PPARGC1A: variants seen among roughly 807,000 people sequenced by gnomAD.
PPARGC1A encodes PPARG coactivator 1 alpha, also known as peroxisome proliferator-activated receptor gamma coactivator 1-alpha.
In PPARGC1A, 25 loss-of-function variants were observed where a neutral mutation model predicts 88.7. That is an observed-to-expected ratio of 0.28 (90% confidence interval 0.21 to 0.39). The LOEUF (loss-of-function observed/expected upper bound fraction) is 0.39, where lower values mean the gene tolerates loss of function less well. Ranked by LOEUF, PPARGC1A falls within the 10% of genes least tolerant of loss-of-function variation. PPARGC1A has a pLI of 1.00. For missense variants in PPARGC1A, 880 were observed against 968.7 expected, an observed-to-expected ratio of 0.91 and a Z score of 1.22; for synonymous variants, 363 against 355.6, an observed-to-expected ratio of 1.02 and a Z score of -0.24.
At chr4:24,170,981 C>T in the PPARGC1A span, among the ~76,000 whole-genome samples, 4 of 152,296 alleles carry the variant, frequency 2.6e-5, no homozygotes, top group East Asian at 5.8e-4. Flanking sequence ...CATGCTCCTG[C>T]CTCAGGGCCT....
chr4:23,925,003 T>G, the PPARGC1A span, among the ~76,000 whole-genome samples: 2 of 152,234 alleles, frequency 1.3e-5, no homozygotes, highest in African/African-American at 2.4e-5. Flanking sequence ...TGAACTACTG[T>G]AACAATTAAA....
intron 1 of PPARGC1A, among the ~76,000 whole-genome samples, chr4:23,897,277 A>G (rs1031405428): frequency 2.6e-5 from 4 of 152,182 alleles, no homozygotes; most frequent in Non-Finnish European, 5.9e-5. Context: ...GCCTTATGAG[A>G]TTTAAGGTGA....
chr4:24,383,303 C>G, the PPARGC1A span, among the ~76,000 whole-genome samples: 5 of 152,108 alleles, frequency 3.3e-5, no homozygotes, highest in Non-Finnish European at 7.4e-5. Context: ...TTCCGGAAAC[C>G]AAAATGCCTC....
At chr4:24,332,999 C>T in the PPARGC1A span, among the ~76,000 whole-genome samples, 1 of 152,026 alleles carries the variant, frequency 6.6e-6, no homozygotes, top group Admixed American at 6.6e-5. Flanking sequence ...CCCAGCACTT[C>T]GGGAGGCCAA....
At chr4:24,451,790 A>T in the PPARGC1A span, among the ~76,000 whole-genome samples, 1 of 152,054 alleles carries the variant, frequency 6.6e-6, no homozygotes, top group African/African-American at 2.4e-5. Context: ...GTTGGCCAGG[A>T]TGATCTCGAT....
At chr4:24,049,322 A>G in the PPARGC1A span, among the ~76,000 whole-genome samples, 24 of 141,984 alleles carry the variant, frequency 1.7e-4, no homozygotes, top group African/African-American at 2.9e-4. Context: ...ATATATATAT[A>G]TGTGTGTGTG....
chr4:24,186,891 C>T, the PPARGC1A span, among the ~76,000 whole-genome samples: 1 of 152,200 alleles, frequency 6.6e-6, no homozygotes, highest in Middle Eastern at 3.2e-3. Context: ...ACCACTGAGG[C>T]TGCTTCTGCA....
At chr4:24,424,325 G>T in the PPARGC1A span, among the ~76,000 whole-genome samples, 5 of 123,954 alleles carry the variant, frequency 4.0e-5, no homozygotes, top group South Asian at 1.3e-3. Context: ...GCCCAGGCTC[G>T]AGTGCCCTGG....
chr4:23,839,961 CA>C (rs750562948), intron 2 of PPARGC1A, among the ~76,000 whole-genome samples: 2 of 151,986 alleles, frequency 1.3e-5, no homozygotes, highest in Non-Finnish European at 2.9e-5. Flanking sequence ...ATGGAAGCTA[CA>C]AGATGAGATT....
chr4:23,858,074 A>G (rs534749882), intron 2 of PPARGC1A, among the ~76,000 whole-genome samples: 4 of 152,208 alleles, frequency 2.6e-5, no homozygotes, highest in Admixed American at 2.6e-4. Flanking sequence ...TGGTTCTTGG[A>G]AAAGTAAAGG....
the PPARGC1A span, among the ~76,000 whole-genome samples, chr4:23,984,147 C>T: frequency 1.3e-5 from 2 of 152,034 alleles, no homozygotes; most frequent in Non-Finnish European, 2.9e-5. Context: ...ATCTTCTGGA[C>T]ATCCACACCT....
upstream of PPARGC1A, among the ~76,000 whole-genome samples, chr4:23,901,699 GAAGGGAAAACAAA>G (rs1444914653): frequency 1.3e-5 from 2 of 152,174 alleles, no homozygotes; most frequent in Non-Finnish European, 2.9e-5. Flanking sequence ...ACAGAGGGAA[GAAGGGAAAACAAA>G]GCCACAGGAC....
the PPARGC1A span, among the ~76,000 whole-genome samples, chr4:24,324,841 T>C: frequency 5.9e-5 from 9 of 152,190 alleles, no homozygotes; most frequent in Admixed American, 3.3e-4. Context: ...ACCCCAAGCG[T>C]CGCTGAGTCT....
At chr4:23,900,771 T>C (rs1719239996), upstream of PPARGC1A, among the ~76,000 whole-genome samples, 1 of 152,192 alleles carries the variant, frequency 6.6e-6, no homozygotes. Flanking sequence ...GTTTCTCTAC[T>C]TACCTAAAGA....
At chr4:24,074,455 T>C in the PPARGC1A span, among the ~76,000 whole-genome samples, 1 of 152,168 alleles carries the variant, frequency 6.6e-6, no homozygotes, top group Non-Finnish European at 1.5e-5. Context: ...CTTAACTCCC[T>C]TTTTCTCCAG....
At chr4:24,439,566 TC>T in the PPARGC1A span, among the ~76,000 whole-genome samples, 1 of 152,162 alleles carries the variant, frequency 6.6e-6, no homozygotes, top group Non-Finnish European at 1.5e-5. Context: ...GGGCAGACTG[TC>T]ATACCTAGGG....
the PPARGC1A span, among the ~76,000 whole-genome samples, chr4:24,317,555 TAA>T: frequency 7.4e-3 from 163 of 22,176 alleles, no homozygotes; most frequent in Non-Finnish European, 9.7e-3. Flanking sequence ...TTCAGAGGAC[TAA>T]AAAAAAAAAA....
the PPARGC1A span, among the ~76,000 whole-genome samples, chr4:24,046,594 T>G: frequency 6.6e-6 from 1 of 152,202 alleles, no homozygotes; most frequent in Admixed American, 6.5e-5. Flanking sequence ...GTGCTCAGGA[T>G]AAAATCTAAG....
the PPARGC1A span, among the ~76,000 whole-genome samples, chr4:24,468,300 G>A: frequency 5.9e-5 from 9 of 152,192 alleles, no homozygotes; most frequent in African/African-American, 1.7e-4. Flanking sequence ...ATCCCTAGGC[G>A]TGAAACTGTA....
Sources: allele counts gnomAD v4.1 joint callset (sites outside exome capture counted in the v4.1 genomes callset), GRCh38; gene constraint gnomAD v4.1.1; transcripts MANE v1.5; gene names NCBI Gene and HGNC (gene_info 2026-07-23, HGNC 2026-07-21).